The following NDUFAF6 variants were observed in gnomAD, a reference collection of about 807,000 sequenced individuals.
The protein encoded by NDUFAF6 is NADH:ubiquinone oxidoreductase complex assembly factor 6.
A neutral mutation model predicts 40.8 loss-of-function variants in NDUFAF6; 45 were observed. The ratio of observed to expected loss-of-function variants is 1.10; its 90% CI spans 0.87 to 1.42. NDUFAF6 has a LOEUF of 1.42. Among genes scored for constraint, NDUFAF6 ranks in the 40% most tolerant of loss-of-function variants. The pLI, the probability that NDUFAF6 is intolerant of heterozygous loss-of-function variation, is 0.00. For synonymous variants in NDUFAF6, 185 were observed against 155.9 expected (o/e 1.19, Z -1.39); for missense variants, 435 against 418.5 (o/e 1.04, Z -0.34).
At chr8:94,971,767 G>A (rs1028030365) in intron 1 of NDUFAF6, among the ~76,000 whole-genome samples, 6 of 152,068 alleles carry the variant, frequency 3.9e-5, no homozygotes, top group East Asian at 1.9e-4. Context: ...TGAAACCCCC[G>A]TCTCTACTAA....
intron 1 of NDUFAF6, among the ~76,000 whole-genome samples, chr8:94,902,724 C>T (rs1390800749): frequency 7.8e-6 from 1 of 128,560 alleles, no homozygotes; most frequent in African/African-American, 3.0e-5. Flanking sequence ...GATGGAGTCT[C>T]ACTCTGTCAC....
At chr8:95,063,936 A>G (rs1832633443) in intron 9 of NDUFAF6, among the ~76,000 whole-genome samples, 1 of 148,708 alleles carries the variant, frequency 6.7e-6, no homozygotes, top group Admixed American at 6.7e-5. Flanking sequence ...CAGTGGCGTG[A>G]TCTCTGCTCA....
chr8:94,958,418 A>C (rs1296741635), intron 1 of NDUFAF6, among the ~76,000 whole-genome samples: 1 of 150,658 alleles, frequency 6.6e-6, no homozygotes, highest in Admixed American at 6.6e-5. Context: ...TCTGCATCCT[A>C]ATCTCCTCTT....
At chr8:95,019,001 T>C (rs1827581715) in intron 2 of NDUFAF6, among the ~76,000 whole-genome samples, 1 of 152,190 alleles carries the variant, frequency 6.6e-6, no homozygotes, top group Non-Finnish European at 1.5e-5. Flanking sequence ...CTTGGAGTCA[T>C]CTCATATATA....
chr8:94,968,090 C>T (rs1025566264), intron 1 of NDUFAF6, among the ~76,000 whole-genome samples: 4 of 152,140 alleles, frequency 2.6e-5, no homozygotes, highest in Non-Finnish European at 5.9e-5. Flanking sequence ...CTCATTGCAA[C>T]GTGGACATCT....
intron 3 of NDUFAF6, 122 bp downstream of exon 3, chr8:95,035,698 A>G: frequency 7.2e-6 from 7 of 978,732 alleles, no homozygotes; most frequent in Non-Finnish European, 1.1e-5. Flanking sequence ...TCTTAGGCTT[A>G]TGTATTCAGA....
At chr8:94,970,683 C>G (rs74917085) in intron 1 of NDUFAF6, among the ~76,000 whole-genome samples, 6,284 of 152,292 alleles carry the variant, frequency 0.041, 256 homozygotes, top group African/African-American at 0.11. Flanking sequence ...GAATATTAAT[C>G]AAGCACATAC....
At chr8:95,113,047 G>A (rs1810040035) in intron 4 of NDUFAF6, among the ~76,000 whole-genome samples, 1 of 152,116 alleles carries the variant, frequency 6.6e-6, no homozygotes, top group Admixed American at 6.5e-5. Context: ...CTGAGTAGAC[G>A]ATCTCTTTGA....
chr8:95,074,781 T>C (rs1832980573), intron 9 of NDUFAF6, among the ~76,000 whole-genome samples: 1 of 152,166 alleles, frequency 6.6e-6, no homozygotes, highest in Admixed American at 6.5e-5. Context: ...ATTTTCTCTG[T>C]TACATTTACT....
chr8:95,080,526 G>A (rs1348486271), downstream of NDUFAF6, among the ~76,000 whole-genome samples: 3 of 147,310 alleles, frequency 2.0e-5, no homozygotes, highest in African/African-American at 7.6e-5. Context: ...TTTTTGTAGT[G>A]TATTTTGGTA....
At chr8:95,066,619 G>T (rs1462217369) in intron 9 of NDUFAF6, among the ~76,000 whole-genome samples, 3 of 152,086 alleles carry the variant, frequency 2.0e-5, no homozygotes, top group African/African-American at 7.2e-5. Context: ...CTCTTTCACT[G>T]TGTTTAATGA....
intron 1 of NDUFAF6, among the ~76,000 whole-genome samples, chr8:94,937,309 C>T (rs759580121): frequency 8.6e-5 from 13 of 152,042 alleles, no homozygotes; most frequent in South Asian, 6.2e-4. Context: ...GGTATGGTGG[C>T]GGGCGCCTGT....
intron 2 of NDUFAF6, among the ~76,000 whole-genome samples, chr8:95,084,320 T>G (rs187180328): frequency 4.7e-4 from 71 of 152,250 alleles, no homozygotes; most frequent in African/African-American, 1.7e-3. Flanking sequence ...TTTCAGTACA[T>G]ATCTCTAAAA....
At chr8:94,957,036 G>C (rs577651028), upstream of NDUFAF6, among the ~76,000 whole-genome samples, 1 of 152,124 alleles carries the variant, frequency 6.6e-6, no homozygotes, top group Non-Finnish European at 1.5e-5. Flanking sequence ...CCCGGGCGGG[G>C]TGGCATGCAC....
At chr8:94,939,738 G>T in intron 1 of NDUFAF6, 1 of 1,367,602 alleles carries the variant, frequency 7.3e-7, no homozygotes, top group Non-Finnish European at 1.0e-6. Flanking sequence ...CTATGCACAT[G>T]CTTTCATAAA....
upstream of NDUFAF6, among the ~76,000 whole-genome samples, chr8:95,020,164 A>G (rs1827630942): frequency 6.6e-6 from 1 of 152,192 alleles, no homozygotes; most frequent in South Asian, 2.1e-4. Flanking sequence ...GCACCATTGC[A>G]CTCCAGCCTG....
intron 2 of NDUFAF6, among the ~76,000 whole-genome samples, chr8:94,982,203 G>C (rs1378519660): frequency 6.6e-6 from 1 of 151,852 alleles, no homozygotes; most frequent in East Asian, 1.9e-4. Context: ...CTGCACTCCA[G>C]CCTGGGCAAC....
rs1003200282 is a variant in NDUFAF6, at chr8:94,983,572, T to G, written c.-84+2599T>G. On this transcript the variant is annotated intron_variant, in intron 2 of 9. Transcript: ENST00000396111. ...ATGAGCCACCACATCCAGCCAATTTTTCTTAAATCAAGTCCCCCAAATCTT... is the reference window on the plus strand; with the variant it reads ...ATGAGCCACCACATCCAGCCAATTTGTCTTAAATCAAGTCCCCCAAATCTT... 3.9e-5 allele frequency among the ~76,000 whole-genome samples: 6 copies of G among 152,190 alleles called. No homozygotes were observed. The East Asian group carries it at 1.2e-3, about 29-fold the overall frequency.
chr8:94,992,716 A>C (rs769012209), intron 2 of NDUFAF6, among the ~76,000 whole-genome samples: 3 of 152,154 alleles, frequency 2.0e-5, no homozygotes, highest in Non-Finnish European at 4.4e-5. Context: ...TCTATTCCCA[A>C]GATCCTCTCT....
Sources: gnomAD v4.1 joint callset for allele counts (sites outside exome capture counted in the v4.1 genomes callset) on GRCh38, gnomAD v4.1.1 for gene constraint, MANE v1.5 for transcripts, NCBI Gene and HGNC (gene_info 2026-07-23, HGNC 2026-07-21) for gene names.